Variants in ZNF468 observed in about 807,000 individuals in gnomAD.
ZNF468 encodes zinc finger protein 468.
Under a neutral mutation model 7.2 loss-of-function variants are expected in ZNF468, and 8 were observed. That is an observed-to-expected ratio of 1.11 (90% CI 0.65 to 2.01). The LOEUF is 2.01. Ranked by LOEUF, ZNF468 falls within the 30% of genes most tolerant of loss-of-function variation. ZNF468 has a pLI of 0.00. For synonymous variants in ZNF468, 218 were observed against 214.4 expected (o/e 1.02, Z -0.15); for missense variants, 608 against 626.5 (o/e 0.97, Z 0.31).
At chr19:52,852,546 G>A (rs1025719512) in intron 2 of ZNF468, among the ~76,000 whole-genome samples, 3 of 151,666 alleles carry the variant, frequency 2.0e-5, no homozygotes, top group African/African-American at 7.3e-5. Flanking sequence ...GCATGGTGGC[G>A]GGTGCCTGCA....
intron 2 of ZNF468, among the ~76,000 whole-genome samples, chr19:52,851,710 C>T (rs2063391396): frequency 6.6e-6 from 1 of 152,128 alleles, no homozygotes; most frequent in African/African-American, 2.4e-5. Flanking sequence ...CACTGCACTC[C>T]AGCCTGGGCA....
chr19:52,851,709 C>G (rs941234278), intron 2 of ZNF468, among the ~76,000 whole-genome samples: 1 of 152,104 alleles, frequency 6.6e-6, no homozygotes, highest in Non-Finnish European at 1.5e-5. Context: ...CCACTGCACT[C>G]CAGCCTGGGC....
chr19:52,854,015 G>C (rs754158484), intron 2 of ZNF468: 7 of 1,491,490 alleles, frequency 4.7e-6, no homozygotes. Context: ...CCCTCACCCC[G>C]TGTCCATCCA....
rs377192962 is a variant in ZNF468, at chr19:52,849,084, C to T, written c.142+3G>A. 8 of 1,613,614 alleles carry T rather than the reference C, an allele frequency of 5.0e-6. No homozygotes were observed. The highest frequency in any genetic ancestry group is 6.8e-6 in the Non-Finnish European group (8 of 1,179,812). On this transcript the variant is annotated splice_donor_region_variant and intron_variant, in intron 3 of 3. Coordinates refer to ENST00000595646, the MANE Select transcript of ZNF468 (RefSeq NM_001008801.2). ...ACATCCCCAGGAGGGAAGTTATCCT[C>T]ACCCAGGGAGACGAGGTTCCTATAA...
Position 52,840,925 on chromosome 19 carries a change from G to A in ZNF468, c.1369C>T (p.His457Tyr). Residue 457 changes from histidine (H) to tyrosine (Y), a missense_variant, in exon 4 of 4, where the codon CAT becomes TAT. His to Tyr is a moderately conservative substitution (Grantham distance 83, BLOSUM62 2). Transcript: ENST00000595646. ...AFQRDSHLAQHQRVHTGEKPY... is the reference protein window; with the variant it reads ...AFQRDSHLAQYQRVHTGEKPY... ...TTCTCTCCAGTATGAACTCTCTGAT[G>A]TTGTGCCAGGTGTGAATCCCTCTGG... 2 of 1,613,986 alleles carry A rather than the reference G, an allele frequency of 1.2e-6. No individual in the cohort carries two copies. The highest frequency in any genetic ancestry group is 1.7e-6 in the Non-Finnish European group (2 of 1,179,960).
chr19:52,848,517 C>G lies in ZNF468; in HGVS notation c.142+570G>C, dbSNP rs183934785. Among the ~76,000 whole-genome samples the G allele has an allele frequency of 5.9e-5, 9 of 152,232 alleles. No individual in the cohort carries two copies. In the East Asian group the frequency reaches 1.5e-3, roughly 26 times the overall value. ...GAGTCAAAAGCATAGGAGAAGCAAA[C>G]AGGAAACTGGATATCTTTAAAGTCT... On this transcript the variant is annotated intron_variant, in intron 3 of 3. Transcript: ENST00000595646.
rs10426239 is a variant in ZNF468 at position 52,853,958 on chromosome 19, T to C, written c.15+300A>G. 3.6e-3 allele frequency: 5,113 copies of C among 1,427,640 alleles called. 185 individuals are homozygous for C. In the African/African-American group the frequency reaches 0.066, roughly 18 times the overall value. The allele number at this position is 1,427,640 out of a possible 1,614,324, so 88.4% of individuals were successfully genotyped here. ...AGTGAGCTGACAGTGCATCCAGATG[T>C]GGCCCCTGAACAATCCCTGCTGCCC... On this transcript the variant is annotated intron_variant, in intron 2 of 3. Coordinates refer to ENST00000595646, the MANE Select transcript of ZNF468 (RefSeq NM_001008801.2).
intron 2 of ZNF468, among the ~76,000 whole-genome samples, chr19:52,852,088 G>A (rs1444847295): frequency 6.6e-6 from 1 of 152,120 alleles, no homozygotes; most frequent in Non-Finnish European, 1.5e-5. Context: ...TATCGGGCCC[G>A]GGCACAGTGG....
intron 2 of ZNF468, among the ~76,000 whole-genome samples, chr19:52,850,638 G>T (rs113598785): frequency 1.3e-5 from 2 of 152,108 alleles, no homozygotes; most frequent in Non-Finnish European, 2.9e-5. Flanking sequence ...GGTGGCTCAC[G>T]CCTGTAATCC....
chr19:52,856,475 C>A lies in ZNF468; in HGVS notation c.-74+1097G>T, dbSNP rs575154168. Among the ~76,000 whole-genome samples the A allele has an allele frequency of 2.3e-4, 13 of 55,766 alleles. 1 individual carries two copies. The East Asian group carries it at 5.5e-3, about 24-fold the overall frequency. The allele number at this position is 55,766 out of a possible 152,430, so 36.6% of individuals were successfully genotyped here. On this transcript the variant is annotated intron_variant, in intron 1 of 3. Coordinates refer to ENST00000595646, the MANE Select transcript of ZNF468 (RefSeq NM_001008801.2). The stretch of plus-strand genomic sequence containing the variant: ...CATAGATTTCTGCCTCTTCTCCCAT[C>A]TATGCGCCTCCTCTGCTCTCCCTGT...
In ZNF468 at chr19:52,841,440, G is replaced by T; in HGVS notation, c.854C>A (p.Ser285Tyr). The part of the protein sequence containing the change: ...ECGKTFGHNS[S>Y]LFIHKALHTG... ...ATGAAGCGCTTTGTGAATGAAGAGG[G>T]ATGAATTATGACCAAAGGTCTTGCC... Residue 285 changes from serine to tyrosine, a missense_variant, in exon 4 of 4, where the codon TCC becomes TAC. Physicochemically the swap from Ser to Tyr is moderately radical, Grantham distance 144. Coordinates refer to ENST00000595646, the MANE Select transcript of ZNF468 (RefSeq NM_001008801.2). 6.2e-7 allele frequency: 1 copy of T among 1,613,976 alleles called. No homozygotes were observed.
rs528342074 is a variant in ZNF468, at chr19:52,848,998, A to G, written c.142+89T>C. ...TCAAAATCAATATGGCTTCCATTTTAGTCAAGGAACAATGGGGTTCCTAAG... is the reference window on the plus strand; with the variant it reads ...TCAAAATCAATATGGCTTCCATTTTGGTCAAGGAACAATGGGGTTCCTAAG... On this transcript the variant is annotated intron_variant, in intron 3 of 3. Transcript: ENST00000595646. 486 of 1,108,428 alleles carry G rather than the reference A, an allele frequency of 4.4e-4. 2 individuals carry two copies. Among genetic ancestry groups the G allele is most frequent in the South Asian group, 4.2e-4 (24 of 57,592 alleles). The allele number at this position is 1,108,428 out of a possible 1,614,324, so 68.7% of individuals were successfully genotyped here. A position where few individuals can be genotyped will look rare whatever the true frequency, so the allele number is the denominator to read the frequency against.
Position 52,841,867 on chromosome 19 carries a change from T to C in ZNF468, c.427A>G (p.Ser143Gly). The C allele has an allele frequency of 6.2e-7, 1 of 1,614,140 alleles. No individual in the cohort carries two copies. Among genetic ancestry groups the C allele is most frequent in the South Asian group, 1.1e-5 (1 of 91,078 alleles). Reference sequence around the variant, plus strand: ...GGTTCAGGCAGATGCAAATGAAAGCTTGATCCAAGCTGATCTTTAATACGC... The same window carrying C: ...GGTTCAGGCAGATGCAAATGAAAGCCTGATCCAAGCTGATCTTTAATACGC... ...NKRIKDQLGS[S>G]FHLHLPEPHI... The change falls in exon 4 of 4, where the codon AGC (serine) becomes GGC (glycine). Residue 143 changes from serine to glycine, a missense_variant. Ser to Gly is a moderately conservative substitution (Grantham distance 56, BLOSUM62 0). Coordinates refer to ENST00000595646, the MANE Select transcript of ZNF468 (RefSeq NM_001008801.2).
At position 52,840,113 on chromosome 19, in the gene ZNF468, T is replaced by TAA. The variant is rs1008029665; in HGVS notation, c.*611_*612insTT. 3 of 618,738 alleles carry TAA rather than the reference T, an allele frequency of 4.8e-6. No individual in the cohort carries two copies. In the African/African-American group the frequency reaches 5.7e-5, roughly 12 times the overall value. The allele number at this position is 618,738 out of a possible 1,614,324, so 38.3% of individuals were successfully genotyped here. A position where few individuals can be genotyped will look rare whatever the true frequency, so the allele number is the denominator to read the frequency against. ...TTCCCGAAAGCCTTGTCACAAACCT[T>TAA]ACATTTCTATGGCTTTTCTCCAGTG... On this transcript the variant is annotated 3_prime_UTR_variant, in exon 4 of 4. Coordinates refer to ENST00000595646, the MANE Select transcript of ZNF468 (RefSeq NM_001008801.2).
chr19:52,839,983 T>C lies in ZNF468; in HGVS notation c.*742A>G. ...TTTCCCTATACCATGGATTGCTTGA[T>C]GGTGAATAAGTGGTGACTGCCCACT... is the stretch of plus-strand genomic sequence containing the variant. On this transcript the variant is annotated 3_prime_UTR_variant, in exon 4 of 4. Coordinates refer to ENST00000595646, the MANE Select transcript of ZNF468 (RefSeq NM_001008801.2). 7.7e-7 allele frequency: 1 copy of C among 1,302,526 alleles called. No individual in the cohort carries two copies. The highest frequency in any genetic ancestry group is 1.3e-5 in the South Asian group (1 of 75,100). 80.7% of individuals were successfully genotyped at this position (1,302,526 alleles called of 1,614,324 possible).
chr19:52,844,010 TAC>T (rs1334989357), intron 3 of ZNF468, among the ~76,000 whole-genome samples: 2 of 152,114 alleles, frequency 1.3e-5, no homozygotes, highest in Non-Finnish European at 2.9e-5. Flanking sequence ...TAATCCCAGC[TAC>T]TTGGGAATCT....
rs1178108618 is a variant in ZNF468 at position 52,845,681 on chromosome 19, CTAAA to C, written c.142+3402_142+3405del. Among the ~76,000 whole-genome samples the C allele has an allele frequency of 1.1e-3, 168 of 151,490 alleles. 2 individuals are homozygous for C. Among genetic ancestry groups the C allele is most frequent in the African/African-American group, 3.8e-3 (156 of 41,328 alleles). ...CTCAAAAAACTAACTAACTAACTAA[CTAAA>C]TAAATAAAGTTCTCCAGTAAAGGTA... is the stretch of plus-strand genomic sequence containing the variant. On this transcript the variant is annotated intron_variant, in intron 3 of 3. Coordinates refer to ENST00000595646, the MANE Select transcript of ZNF468 (RefSeq NM_001008801.2).
rs2063285363 is a variant in ZNF468, at chr19:52,840,443, TG to T, written c.*281del. 1 of 646,148 alleles carries T rather than the reference TG, an allele frequency of 1.5e-6. No individual in the cohort carries two copies. Among genetic ancestry groups the T allele is most frequent in the South Asian group, 1.8e-5 (1 of 55,646 alleles). The allele number at this position is 646,148 out of a possible 1,614,324, so 40.0% of individuals were successfully genotyped here. A position where few individuals can be genotyped will look rare whatever the true frequency, so the allele number is the denominator to read the frequency against. ...TATGTTTTGCCAGATATGCATTATA[TG>T]CAAAAACCTTGTCACAAACCTTACC... On this transcript the variant is annotated 3_prime_UTR_variant, in exon 4 of 4. Transcript: ENST00000595646.
chr19:52,840,893 G>T lies in ZNF468; in HGVS notation c.1401C>A (p.Tyr467Ter), dbSNP rs1298805556. The change falls in exon 4 of 4, where the codon TAC (tyrosine) becomes TAA (stop). Residue 467 changes from tyrosine to a stop codon, truncating the protein, a stop_gained. Transcript: ENST00000595646. LOFTEE classifies it low-confidence loss of function (END_TRUNC). ...AGGTCTTGCCACACTCATTACACTT[G>T]TAAGGTTTCTCTCCAGTATGAACTC... ...HQRVHTGEKP[Y>*]KCNECGKTFG... The T allele has an allele frequency of 7.4e-6, 12 of 1,613,850 alleles. No individual in the cohort carries two copies. The highest frequency in any genetic ancestry group is 8.5e-6 in the Non-Finnish European group (10 of 1,179,996).
Sources: allele counts gnomAD v4.1 joint callset (sites outside exome capture counted in the v4.1 genomes callset), GRCh38; gene constraint gnomAD v4.1.1; transcripts MANE v1.5; gene names NCBI Gene and HGNC (gene_info 2026-07-23, HGNC 2026-07-21).